Variants in METTL3 observed in about 807,000 individuals in gnomAD.
The protein encoded by METTL3 is N(6)-adenosine-methyltransferase catalytic subunit METTL3.
A neutral mutation model predicts 64.3 loss-of-function variants in METTL3; 42 were observed. The ratio of observed to expected loss-of-function variants is 0.65; its 90% CI spans 0.51 to 0.84. The LOEUF is 0.84. METTL3 is among the 40% of genes least tolerant of loss of function. The pLI is 0.00. For missense variants in METTL3, 435 were observed against 722.3 expected, an observed-to-expected ratio of 0.60 and a Z score of 4.56; for synonymous variants, 256 against 263.6, an observed-to-expected ratio of 0.97 and a Z score of 0.28.
intron 4 of METTL3, 135 bp downstream of exon 4, chr14:21,501,593 T>G (rs1346703582): frequency 2.4e-5 from 26 of 1,069,816 alleles, no homozygotes; most frequent in Non-Finnish European, 3.1e-5. Context: ...AAGTACACCT[T>G]CAGGGTCTGG....
chr14:21,506,625 G>C (rs1291128593), intron 1 of METTL3, among the ~76,000 whole-genome samples: 1 of 152,178 alleles, frequency 6.6e-6, no homozygotes, highest in Non-Finnish European at 1.5e-5. Context: ...GTTCATAGCA[G>C]CATTATTTAC....
intron 4 of METTL3, chr14:21,501,405 A>T: frequency 1.8e-6 from 1 of 547,556 alleles, no homozygotes; most frequent in Non-Finnish European, 3.2e-6. Flanking sequence ...TAAAACACTG[A>T]CCTAAGAGTT....
Position 21,501,912 on chromosome 14 carries a change from G to A in METTL3, c.724-9C>T, listed in dbSNP as rs1814362582. 6.2e-7 allele frequency: 1 copy of A among 1,612,280 alleles called. No individual in the cohort carries two copies. The highest frequency in any genetic ancestry group is 8.5e-7 in the Non-Finnish European group (1 of 1,178,898). On this transcript the variant is annotated splice_polypyrimidine_tract_variant and intron_variant, in intron 3 of 10. Transcript: ENST00000298717. ...AGGATCTCCTGACTGACCTGTGACA[G>A]AAGTAGCCTTGGACTTAAAATGTCT...
intron 1 of METTL3, chr14:21,504,101 G>T (rs1566494172): frequency 1.9e-6 from 1 of 538,630 alleles, no homozygotes; most frequent in Non-Finnish European, 3.3e-6. Context: ...TTTCTCTATT[G>T]AGTGAGTAAT....
intron 1 of METTL3, among the ~76,000 whole-genome samples, chr14:21,508,915 G>C (rs982377658): frequency 3.3e-5 from 5 of 152,112 alleles, no homozygotes; most frequent in African/African-American, 1.2e-4. Flanking sequence ...AAATAAGTAT[G>C]ATGAGGAACA....
intron 1 of METTL3, among the ~76,000 whole-genome samples, chr14:21,505,577 TA>T (rs1319997409): frequency 6.6e-6 from 1 of 152,168 alleles, no homozygotes; most frequent in East Asian, 1.9e-4. Context: ...ATGTGGTGGA[TA>T]AAACTTAACT....
chr14:21,510,968 C>T (rs1345162201), intron 1 of METTL3, 156 bp downstream of exon 1: 12 of 818,528 alleles, frequency 1.5e-5, no homozygotes, highest in Non-Finnish European at 2.2e-5. Flanking sequence ...TGCAGAAGGG[C>T]GAACGTCTGC....
At chr14:21,510,887 C>T in intron 1 of METTL3, 1 of 501,530 alleles carries the variant, frequency 2.0e-6, no homozygotes, top group Non-Finnish European at 3.6e-6. Flanking sequence ...GAGGGTGGGG[C>T]TCAAGCGTCC....
At chr14:21,498,892 A>C in intron 10 of METTL3, 133 bp downstream of exon 10, 1 of 649,226 alleles carries the variant, frequency 1.5e-6, no homozygotes, top group Non-Finnish European at 2.7e-6. Context: ...TTTAAATACA[A>C]GCTTAAGTGG....
intron 3 of METTL3, chr14:21,502,972 C>G: frequency 1.7e-6 from 1 of 599,974 alleles, no homozygotes; most frequent in Non-Finnish European, 2.9e-6. Flanking sequence ...TCTACCCCCA[C>G]TAGATGCCAA....
At position 21,501,822 on chromosome 14, in the gene METTL3, G is replaced by C. The variant is rs1393159305; in HGVS notation, c.805C>G (p.Arg269Gly). ...TCACAGAATTCTTGCACTTGGGCCCGACCTCGAGAGCGAAATTTTTCAACA... is the reference window on the plus strand; with the variant it reads ...TCACAGAATTCTTGCACTTGGGCCCCACCTCGAGAGCGAAATTTTTCAACA... The part of the protein sequence containing the change: ...SIVEKFRSRG[R>G]AQVQEFCDYG... The change falls in exon 4 of 11, where the codon CGG becomes GGG. Residue 269 changes from arginine to glycine, a missense_variant. This residue lies in a region of METTL3 where 40 missense variants were observed against 89.6 expected (regional missense o/e 0.45). Coordinates refer to ENST00000298717, the MANE Select transcript of METTL3 (RefSeq NM_019852.5). 1 of 1,614,060 alleles carries C rather than the reference G, an allele frequency of 6.2e-7. No individual in the cohort carries two copies. The highest frequency in any genetic ancestry group is 8.5e-7 in the Non-Finnish European group (1 of 1,180,016).
At chr14:21,501,986 T>TTAA (rs1891579739) in intron 3 of METTL3, 83 bp from the exon 4 acceptor site, 1 of 1,152,236 alleles carries the variant, frequency 8.7e-7, no homozygotes, top group South Asian at 1.4e-5. Context: ...CTTTTTGACA[T>TTAA]TAATGTCTTC....
chr14:21,509,121 C>T (rs1440916590), intron 1 of METTL3, among the ~76,000 whole-genome samples: 1 of 152,148 alleles, frequency 6.6e-6, no homozygotes, highest in Non-Finnish European at 1.5e-5. Context: ...GAGTGGATTG[C>T]TTGAGCTCAG....
chr14:21,502,220 G>A (rs1038107672), intron 3 of METTL3, among the ~76,000 whole-genome samples: 2 of 151,954 alleles, frequency 1.3e-5, no homozygotes, highest in African/African-American at 2.4e-5. Flanking sequence ...TAGGGATAGG[G>A]TCTATGTTGC....
intron 4 of METTL3, chr14:21,501,478 G>A (rs1041499947): frequency 1.7e-6 from 1 of 575,174 alleles, no homozygotes; most frequent in Non-Finnish European, 3.1e-6. Context: ...CTGTGGCTCA[G>A]AGACAGACAT....
intron 4 of METTL3, 140 bp downstream of exon 4, chr14:21,501,588 C>T (rs1025119104): frequency 2.0e-5 from 20 of 1,003,734 alleles, no homozygotes; most frequent in Non-Finnish European, 2.9e-5. Flanking sequence ...TCTGAAAGTA[C>T]ACCTTCAGGG....
At chr14:21,502,939 G>T (rs1218829300) in intron 3 of METTL3, 8 of 511,944 alleles carry the variant, frequency 1.6e-5, no homozygotes, top group African/African-American at 3.8e-5. Flanking sequence ...TGCACTGTAG[G>T]ATGTTTGACA....
chr14:21,498,937 T>C, intron 10 of METTL3, 88 bp downstream of exon 10: 6 of 872,638 alleles, frequency 6.9e-6, no homozygotes, highest in South Asian at 5.6e-5. Flanking sequence ...TATGGACTAG[T>C]GTAAAACAAT....
At chr14:21,509,789 T>A (rs996278028) in intron 1 of METTL3, among the ~76,000 whole-genome samples, 1 of 151,956 alleles carries the variant, frequency 6.6e-6, no homozygotes, top group African/African-American at 2.4e-5. Context: ...GGAAAAAACA[T>A]AACAAAACAA....
Sources: gnomAD v4.1 joint callset for allele counts (sites outside exome capture counted in the v4.1 genomes callset) on GRCh38, gnomAD v4.1.1 for gene constraint, gnomAD v4.1.1 regional missense constraint, MANE v1.5 for transcripts, NCBI Gene and HGNC (gene_info 2026-07-23, HGNC 2026-07-21) for gene names.